The following CECR2 variants were observed in gnomAD, a reference collection of about 807,000 sequenced individuals.
CECR2 encodes CECR2 histone acetyl-lysine reader.
In CECR2, 30 loss-of-function variants were observed where a neutral mutation model predicts 154.5. The ratio of observed to expected loss-of-function variants is 0.19; its 90% CI spans 0.15 to 0.26. The LOEUF (loss-of-function observed/expected upper bound fraction) is 0.26. Ranked by LOEUF, CECR2 falls within the 10% of genes least tolerant of loss-of-function variation. The pLI is 1.00. For missense variants in CECR2, 1,743 were observed against 1,829.3 expected, an observed-to-expected ratio of 0.95 and a Z score of 0.86; for synonymous variants, 725 against 683.7, an observed-to-expected ratio of 1.06 and a Z score of -0.94.
At position 17,381,966 on chromosome 22, in the gene CECR2, C is replaced by T. The variant is rs576099443; in HGVS notation, c.126+12057C>T. Among the ~76,000 whole-genome samples, 18 of 151,700 alleles carry T rather than the reference C, an allele frequency of 1.2e-4. No homozygotes were observed. The South Asian group carries it at 1.7e-3, about 14-fold the overall frequency. Reference sequence around the variant, plus strand: ...GCAGTGGCACAATCTTGGCTCACTGCGAGCTCCGCCTCCTGGGTTCACCCC... The same window carrying T: ...GCAGTGGCACAATCTTGGCTCACTGTGAGCTCCGCCTCCTGGGTTCACCCC... On this transcript the variant is annotated intron_variant, in intron 1 of 18. Transcript: ENST00000262608.
chr22:17,418,357 C>T (rs969490343), intron 1 of CECR2, among the ~76,000 whole-genome samples: 1 of 150,190 alleles, frequency 6.7e-6, no homozygotes, highest in Non-Finnish European at 1.5e-5. Flanking sequence ...TGTGTTACTG[C>T]ACTGCGCTGT....
chr22:17,391,512 C>T (rs1256108816), intron 1 of CECR2, among the ~76,000 whole-genome samples: 4 of 152,220 alleles, frequency 2.6e-5, no homozygotes, highest in African/African-American at 4.8e-5. Context: ...TGTTCATCTG[C>T]ATCTTGGTTG....
intron 4 of CECR2, among the ~76,000 whole-genome samples, 170 bp downstream of exon 4, chr22:17,499,719 T>C (rs977934674): frequency 3.3e-5 from 5 of 152,174 alleles, no homozygotes; most frequent in African/African-American, 4.8e-5. Flanking sequence ...AAGGAATTAA[T>C]TCTCTGCTAC....
chr22:17,366,928 A>G (rs1359912285), upstream of CECR2, among the ~76,000 whole-genome samples: 1 of 152,116 alleles, frequency 6.6e-6, no homozygotes, highest in African/African-American at 2.4e-5. Context: ...GGAACTAGGG[A>G]AAAAACTGTA....
chr22:17,448,165 A>G (rs1400899955), intron 1 of CECR2, among the ~76,000 whole-genome samples: 1 of 152,206 alleles, frequency 6.6e-6, no homozygotes, highest in South Asian at 2.1e-4. Flanking sequence ...AATAATCACT[A>G]TACTTTTACC....
intron 1 of CECR2, among the ~76,000 whole-genome samples, chr22:17,428,826 G>GTGTGTGTATA (rs369291932): frequency 1.3e-4 from 20 of 150,594 alleles, no homozygotes; most frequent in South Asian, 2.1e-4. Flanking sequence ...GTGTGTGTGT[G>GTGTGTGTATA]TATATAAAGG....
chr22:17,502,875 C>G (rs546492571), intron 5 of CECR2, among the ~76,000 whole-genome samples: 1 of 152,150 alleles, frequency 6.6e-6, no homozygotes, highest in African/African-American at 2.4e-5. Context: ...CATAGGGTAG[C>G]TGTATGTCAG....
chr22:17,469,504 CAG>C (rs2055086564), intron 1 of CECR2, among the ~76,000 whole-genome samples: 1 of 152,106 alleles, frequency 6.6e-6, no homozygotes, highest in Non-Finnish European at 1.5e-5. Context: ...TCTCCCCAAG[CAG>C]GGGGGATGAT....
intron 1 of CECR2, among the ~76,000 whole-genome samples, chr22:17,400,231 T>G (rs1424470769): frequency 2.0e-5 from 3 of 152,238 alleles, no homozygotes; most frequent in Non-Finnish European, 4.4e-5. Flanking sequence ...TCCTGTAGTT[T>G]CAAAGTAATC....
At chr22:17,484,204 A>T (rs563239884) in intron 2 of CECR2, among the ~76,000 whole-genome samples, 121 of 152,270 alleles carry the variant, frequency 7.9e-4, no homozygotes, top group Non-Finnish European at 1.3e-3. Context: ...TTAGGCCCTC[A>T]CTTGCAACAG....
chr22:17,442,306 A>C (rs758689940), intron 1 of CECR2, among the ~76,000 whole-genome samples: 6 of 152,202 alleles, frequency 3.9e-5, no homozygotes, highest in Admixed American at 2.6e-4. Flanking sequence ...GCTCACACCT[A>C]TAATCCCAGA....
chr22:17,495,567 T>TTAA (rs1555918314), intron 2 of CECR2, among the ~76,000 whole-genome samples: 1 of 124,810 alleles, frequency 8.0e-6, no homozygotes, highest in African/African-American at 3.1e-5. Flanking sequence ...AAAACTCCAT[T>TTAA]AAAAAAAAAA....
At chr22:17,446,523 C>T (rs2054665968) in intron 1 of CECR2, among the ~76,000 whole-genome samples, 2 of 152,226 alleles carry the variant, frequency 1.3e-5, no homozygotes, top group South Asian at 2.1e-4. Flanking sequence ...CGAGACCATC[C>T]TGGCTAACAC....
At chr22:17,372,819 G>T (rs1286354524) in intron 1 of CECR2, among the ~76,000 whole-genome samples, 1 of 152,130 alleles carries the variant, frequency 6.6e-6, no homozygotes, top group Admixed American at 6.6e-5. Flanking sequence ...TTGGGTATCA[G>T]TTATTTCAGG....
rs1331121402 is a variant in CECR2 at position 17,477,616 on chromosome 22, A to T, written c.155A>T (p.Asp52Val). 6.2e-7 allele frequency: 1 copy of T among 1,613,486 alleles called. No homozygotes were observed. Among genetic ancestry groups the T allele is most frequent in the South Asian group, 1.1e-5 (1 of 91,084 alleles). ...EELEAALHRDDVEFISDLIAC... is the reference protein window; with the variant it reads ...EELEAALHRDVVEFISDLIAC... ...TTAGAAGCCGCTCTTCACAGAGATG[A>T]CGTGGAGTTTATCAGTGACCTGATT... The change falls in exon 2 of 19, where the codon GAC becomes GTC. Residue 52 changes from aspartate to valine, a missense_variant. By Grantham distance (152) the Asp-to-Val change is radical (BLOSUM62 -3). Transcript: ENST00000262608.
chr22:17,418,311 T>C (rs1198291492), intron 1 of CECR2, among the ~76,000 whole-genome samples: 1 of 152,194 alleles, frequency 6.6e-6, no homozygotes, highest in Non-Finnish European at 1.5e-5. Context: ...GGATATACTT[T>C]TATCTAGTCC....
chr22:17,423,768 G>A (rs2054291742), intron 1 of CECR2, among the ~76,000 whole-genome samples: 1 of 152,100 alleles, frequency 6.6e-6, no homozygotes, highest in South Asian at 2.1e-4. Context: ...TGTGATGCTT[G>A]GTATTCCCGG....
chr22:17,550,593 G>C (rs1364045402), intron 17 of CECR2, among the ~76,000 whole-genome samples: 1 of 152,174 alleles, frequency 6.6e-6, no homozygotes, highest in African/African-American at 2.4e-5. Context: ...TTGTTCTCCA[G>C]ATCCAGTTAG....
intron 8 of CECR2, among the ~76,000 whole-genome samples, chr22:17,512,618 G>A (rs1273461555): frequency 2.7e-5 from 4 of 150,596 alleles, no homozygotes; most frequent in Admixed American, 6.7e-5. Flanking sequence ...CAGGAGAATT[G>A]CTTGAACCCA....
Sources: gnomAD v4.1 joint callset for allele counts (sites outside exome capture counted in the v4.1 genomes callset) on GRCh38, gnomAD v4.1.1 for gene constraint, MANE v1.5 for transcripts, NCBI Gene and HGNC (gene_info 2026-07-23, HGNC 2026-07-21) for gene names.